TBCEL: variants seen among roughly 807,000 people sequenced by gnomAD.
TBCEL encodes tubulin folding cofactor E like.
In TBCEL, 15 loss-of-function variants were observed where a neutral mutation model predicts 44.2. The observed-to-expected ratio is 0.34, with a 90% CI of 0.23 to 0.52. The LOEUF is 0.52. TBCEL is among the 20% of genes least tolerant of loss of function. The pLI is 0.95. For synonymous variants in TBCEL, 171 were observed against 185.4 expected (o/e 0.92, Z 0.63); for missense variants, 319 against 506.3 (o/e 0.63, Z 3.55).
chr11:121,069,084 G>A (rs1331116583), intron 8 of TBCEL, among the ~76,000 whole-genome samples: 2 of 152,024 alleles, frequency 1.3e-5, no homozygotes, highest in Non-Finnish European at 2.9e-5. Context: ...GCACACCTCT[G>A]TCTCCTATAA....
chr11:121,064,861 C>G (rs539597229), intron 8 of TBCEL, among the ~76,000 whole-genome samples: 2 of 152,202 alleles, frequency 1.3e-5, no homozygotes, highest in East Asian at 3.9e-4. Flanking sequence ...GAGTCTCACT[C>G]TGTCGCCCAG....
Position 121,087,277 on chromosome 11 carries a change from A to G in TBCEL, c.*181A>G. The stretch of plus-strand genomic sequence containing the variant: ...TAGGGGCCATTTTTGGGTGTTTTCT[A>G]CCACAGATTGATTTGGCTCAGCCAG... On this transcript the variant is annotated 3_prime_UTR_variant, in exon 9 of 9. Transcript: ENST00000683345. The G allele has an allele frequency of 1.6e-6, 1 of 612,838 alleles. No individual in the cohort carries two copies. Among genetic ancestry groups the G allele is most frequent in the Non-Finnish European group, 2.8e-6 (1 of 358,546 alleles). 38.0% of individuals were successfully genotyped at this position (612,838 alleles called of 1,614,324 possible).
rs145192678 is a variant in TBCEL, at chr11:121,079,544, T to C, written c.957-7234T>C. Reference sequence around the variant, plus strand: ...AACTGGGTCTCAATTTTTACATCTGTAAATTATGTAATAGATGGTTTCTAA... The same window carrying C: ...AACTGGGTCTCAATTTTTACATCTGCAAATTATGTAATAGATGGTTTCTAA... On this transcript the variant is annotated intron_variant, in intron 8 of 8. Transcript: ENST00000683345. Among the ~76,000 whole-genome samples the C allele has an allele frequency of 6.7e-3, 1,020 of 152,260 alleles. 15 individuals carry two copies. Among genetic ancestry groups the C allele is most frequent in the African/African-American group, 0.022 (903 of 41,552 alleles).
At chr11:121,075,815 TTAGA>T (rs1376961991) in intron 8 of TBCEL, among the ~76,000 whole-genome samples, 2 of 151,984 alleles carry the variant, frequency 1.3e-5, no homozygotes, top group African/African-American at 2.4e-5. Context: ...TTACATAAAC[TTAGA>T]TAGTATAGTC....
At chr11:121,042,287 G>C (rs1945348108) in intron 2 of TBCEL, among the ~76,000 whole-genome samples, 1 of 152,102 alleles carries the variant, frequency 6.6e-6, no homozygotes, top group South Asian at 2.1e-4. Flanking sequence ...TAAAAATTCT[G>C]TTGGCATTCT....
At chr11:121,073,989 T>C (rs1370353527) in intron 8 of TBCEL, among the ~76,000 whole-genome samples, 1 of 152,008 alleles carries the variant, frequency 6.6e-6, no homozygotes, top group Non-Finnish European at 1.5e-5. Flanking sequence ...TATTTTGATA[T>C]GTAAAATTGG....
chr11:121,075,021 A>G (rs1946007352), intron 8 of TBCEL, among the ~76,000 whole-genome samples: 1 of 151,980 alleles, frequency 6.6e-6, no homozygotes, highest in East Asian at 1.9e-4. Context: ...GACTTCTCAA[A>G]CTAAAACATA....
chr11:121,054,117 G>A (rs904760354), intron 5 of TBCEL, among the ~76,000 whole-genome samples: 1 of 151,978 alleles, frequency 6.6e-6, no homozygotes, highest in Non-Finnish European at 1.5e-5. Flanking sequence ...ATGATTAAGT[G>A]CCTAGCTGAT....
chr11:121,054,966 T>C (rs1049131177), intron 5 of TBCEL, 86 bp from the exon 6 acceptor site: 33 of 1,337,846 alleles, frequency 2.5e-5, no homozygotes, highest in Non-Finnish European at 3.2e-5. Context: ...AGTAGGCACT[T>C]ACTTATTTAT....
chr11:121,057,575 A>G (rs1259937224), intron 6 of TBCEL: 2 of 454,936 alleles, frequency 4.4e-6, no homozygotes, highest in Admixed American at 4.7e-5. Flanking sequence ...TCATCCATGC[A>G]TTCAACCAAC....
chr11:121,077,028 A>G (rs778715048), intron 8 of TBCEL, among the ~76,000 whole-genome samples: 1 of 151,798 alleles, frequency 6.6e-6, no homozygotes, highest in African/African-American at 2.4e-5. Context: ...ATCTTTTTTT[A>G]TATGTTGGTG....
intron 1 of TBCEL, among the ~76,000 whole-genome samples, chr11:121,027,576 C>T (rs1373964905): frequency 2.0e-5 from 3 of 152,180 alleles, no homozygotes; most frequent in African/African-American, 7.2e-5. Flanking sequence ...GTTCCTCTAC[C>T]TGCCAAGGCC....
At chr11:121,070,800 C>T (rs780794828) in intron 8 of TBCEL, among the ~76,000 whole-genome samples, 5 of 148,904 alleles carry the variant, frequency 3.4e-5, no homozygotes, top group Non-Finnish European at 5.9e-5. Context: ...CATGTTTGCA[C>T]GTTGTGCACA....
Position 121,086,910 on chromosome 11 carries a change from A to G in TBCEL, c.1089A>G (p.Gln363=). 1.2e-6 allele frequency: 2 copies of G among 1,614,116 alleles called. No individual in the cohort carries two copies. The highest frequency in any genetic ancestry group is 4.5e-5 in the East Asian group (2 of 44,830). ...AAGAAATGAGCATTCGTCTGGACCA[A>G]ACAGTGGCAGAACTAAAGAAACAGT... ...QVEEMSIRLD[Q]TVAELKKQLK... The change falls in exon 9 of 9, where the codon CAA becomes CAG. Residue 363 remains glutamine, a synonymous_variant. Transcript: ENST00000683345.
intron 4 of TBCEL, among the ~76,000 whole-genome samples, chr11:121,048,341 C>T (rs999674829): frequency 1.3e-5 from 2 of 151,862 alleles, no homozygotes; most frequent in African/African-American, 4.8e-5. Flanking sequence ...GATGTCTTGA[C>T]CTCAGAGTAA....
chr11:121,041,340 C>T (rs1293907028), intron 2 of TBCEL, among the ~76,000 whole-genome samples: 2 of 152,170 alleles, frequency 1.3e-5, no homozygotes, highest in Admixed American at 1.3e-4. Flanking sequence ...CAAAAGTGTA[C>T]TGAGCACCTT....
intron 8 of TBCEL, among the ~76,000 whole-genome samples, chr11:121,077,761 G>A (rs1946058214): frequency 1.3e-5 from 2 of 151,484 alleles, no homozygotes; most frequent in African/African-American, 2.4e-5. Flanking sequence ...TTTCCTTTAA[G>A]TGCTGCTTTA....
At chr11:121,049,730 G>C (rs1474379721) in intron 4 of TBCEL, among the ~76,000 whole-genome samples, 1 of 151,774 alleles carries the variant, frequency 6.6e-6, no homozygotes, top group Non-Finnish European at 1.5e-5. Context: ...CCTGGACCAT[G>C]TATATAAGCT....
chr11:121,051,896 C>T (rs1945535820), intron 4 of TBCEL, among the ~76,000 whole-genome samples: 1 of 151,806 alleles, frequency 6.6e-6, no homozygotes, highest in Non-Finnish European at 1.5e-5. Flanking sequence ...AGCTCCTGAA[C>T]TCAATGTTTA....
Sources: gnomAD v4.1 joint callset for allele counts (sites outside exome capture counted in the v4.1 genomes callset) on GRCh38, gnomAD v4.1.1 for gene constraint, MANE v1.5 for transcripts, NCBI Gene and HGNC (gene_info 2026-07-23, HGNC 2026-07-21) for gene names.